Variants in CEP63 observed in about 807,000 individuals in gnomAD.
CEP63 encodes the protein centrosomal protein of 63 kDa.
In CEP63, 84 loss-of-function variants were observed where a neutral mutation model predicts 89.1. The observed-to-expected ratio is 0.94, with a 90% CI of 0.79 to 1.13. CEP63 has a LOEUF of 1.13. Among genes scored for constraint, CEP63 ranks in the 50% most tolerant of loss-of-function variants. The pLI is 0.00. For missense variants in CEP63, 838 were observed against 813.3 expected, an observed-to-expected ratio of 1.03 and a Z score of -0.37; for synonymous variants, 267 against 272.5, an observed-to-expected ratio of 0.98 and a Z score of 0.20.
the CEP63 span, among the ~76,000 whole-genome samples, chr3:134,635,954 A>G: frequency 2.0e-5 from 3 of 152,202 alleles, no homozygotes; most frequent in Admixed American, 6.5e-5. Flanking sequence ...GAGCATAGCC[A>G]TATGTTATCA....
At chr3:134,760,039 A>G in the CEP63 span, among the ~76,000 whole-genome samples, 358 of 151,234 alleles carry the variant, frequency 2.4e-3, 1 homozygote, top group African/African-American at 8.3e-3. Context: ...CTGTGTCATC[A>G]CAGATACCAG....
At chr3:134,603,389 C>A in the CEP63 span, 1 of 549,240 alleles carries the variant, frequency 1.8e-6, no homozygotes, top group South Asian at 2.9e-5. Context: ...TCAGTCACAG[C>A]CACACCTGAG....
At chr3:134,649,630 A>C in the CEP63 span, among the ~76,000 whole-genome samples, 41 of 152,334 alleles carry the variant, frequency 2.7e-4, no homozygotes, top group African/African-American at 9.1e-4. Flanking sequence ...CTCCTGCTTC[A>C]GTCAGGAATC....
the CEP63 span, among the ~76,000 whole-genome samples, chr3:134,600,086 G>A: frequency 6.6e-6 from 1 of 152,138 alleles, no homozygotes; most frequent in Non-Finnish European, 1.5e-5. Context: ...AGAAATTATA[G>A]ACCTAAGATA....
At chr3:134,499,422 A>G (rs926928844) in intron 2 of CEP63, among the ~76,000 whole-genome samples, 80 of 152,140 alleles carry the variant, frequency 5.3e-4, no homozygotes, top group African/African-American at 1.8e-3. Context: ...TGGTTAGTCT[A>G]GCTAATGGTT....
the CEP63 span, among the ~76,000 whole-genome samples, chr3:134,743,998 T>C: frequency 6.6e-6 from 1 of 152,168 alleles, no homozygotes; most frequent in African/African-American, 2.4e-5. Flanking sequence ...TGTTGGACCA[T>C]GCTGAACTAC....
chr3:134,708,884 T>C, the CEP63 span, among the ~76,000 whole-genome samples: 1 of 151,954 alleles, frequency 6.6e-6, no homozygotes, highest in Admixed American at 6.6e-5. Context: ...TGTGAGTGTG[T>C]GTCTGGAAGG....
the CEP63 span, among the ~76,000 whole-genome samples, chr3:134,781,215 C>T: frequency 0.16 from 23,713 of 152,178 alleles, 3,395 homozygotes; most frequent in African/African-American, 0.37. Flanking sequence ...TTTTGAACTT[C>T]AGGGTCAAAT....
the CEP63 span, among the ~76,000 whole-genome samples, chr3:134,724,101 G>C: frequency 6.6e-6 from 1 of 152,198 alleles, no homozygotes; most frequent in African/African-American, 2.4e-5. Flanking sequence ...CTGATTCCCT[G>C]GGATGCGAGT....
At chr3:134,538,444 G>A (rs1951231898) in intron 6 of CEP63, among the ~76,000 whole-genome samples, 1 of 147,290 alleles carries the variant, frequency 6.8e-6, no homozygotes, top group Admixed American at 7.0e-5. Flanking sequence ...CAGCCAGACA[G>A]ACCAGTGAAA....
intron 3 of CEP63, among the ~76,000 whole-genome samples, chr3:134,518,262 A>T (rs1946654193): frequency 6.6e-6 from 1 of 152,230 alleles, no homozygotes; most frequent in South Asian, 2.1e-4. Context: ...ACCTCAGTTC[A>T]GGTGAAGATT....
the CEP63 span, among the ~76,000 whole-genome samples, chr3:134,653,290 G>C: frequency 6.6e-6 from 1 of 152,226 alleles, no homozygotes; most frequent in Non-Finnish European, 1.5e-5. Context: ...TGAGAACTTA[G>C]AATGTCTCCA....
At chr3:134,762,009 T>C in the CEP63 span, among the ~76,000 whole-genome samples, 80 of 152,260 alleles carry the variant, frequency 5.3e-4, no homozygotes, top group Non-Finnish European at 9.1e-4. Flanking sequence ...GTCACCACAT[T>C]TTGTAGCTTG....
At chr3:134,773,422 G>A in the CEP63 span, among the ~76,000 whole-genome samples, 8 of 152,292 alleles carry the variant, frequency 5.3e-5, no homozygotes, top group East Asian at 3.9e-4. Context: ...AAAATGGCAC[G>A]CATAGAAATG....
the CEP63 span, chr3:134,627,898 G>T: frequency 8.6e-7 from 1 of 1,157,194 alleles, no homozygotes; most frequent in Non-Finnish European, 1.3e-6. Flanking sequence ...CCTTCTGGTG[G>T]TCCTTGCTTT....
the CEP63 span, among the ~76,000 whole-genome samples, chr3:134,774,478 A>T: frequency 6.6e-6 from 1 of 152,326 alleles, no homozygotes; most frequent in South Asian, 2.1e-4. Context: ...GAATGCCTTG[A>T]TGGACTCTTG....
the CEP63 span, among the ~76,000 whole-genome samples, chr3:134,693,101 A>G: frequency 1.3e-5 from 2 of 152,188 alleles, no homozygotes; most frequent in African/African-American, 2.4e-5. Context: ...GTGTTCAGGA[A>G]AAGAAAGGTG....
chr3:134,585,083 T>C (rs1958455899), intron 10 of CEP63, among the ~76,000 whole-genome samples: 1 of 151,874 alleles, frequency 6.6e-6, no homozygotes, highest in Non-Finnish European at 1.5e-5. Context: ...CCTCTCTTCT[T>C]CTTTATTAGT....
chr3:134,550,070 A>G lies in CEP63; in HGVS notation c.1190A>G (p.Glu397Gly). Reference protein sequence around the residue: ...EYKAEIKKLKEQILQGEQSYS... With the variant: ...EYKAEIKKLKGQILQGEQSYS... ...TTTTCTGCTTCTTTATAGTTGAAAG[A>G]ACAGATTTTACAGGGTGAACAAAGT... The change falls in exon 11 of 15, where the codon GAA becomes GGA. Residue 397 changes from glutamate to glycine, a missense_variant. Transcript: ENST00000675561. 3.1e-6 allele frequency: 5 copies of G among 1,613,040 alleles called. No individual in the cohort carries two copies. The highest frequency in any genetic ancestry group is 4.2e-6 in the Non-Finnish European group (5 of 1,179,012).
Sources: allele counts gnomAD v4.1 joint callset (sites outside exome capture counted in the v4.1 genomes callset), GRCh38; gene constraint gnomAD v4.1.1; transcripts MANE v1.5; gene names NCBI Gene and HGNC (gene_info 2026-07-23, HGNC 2026-07-21).